The following INPP4B variants were observed in gnomAD, a reference collection of about 807,000 sequenced individuals.
INPP4B encodes inositol polyphosphate-4-phosphatase type II B.
In INPP4B, 55 loss-of-function variants were observed where a neutral mutation model predicts 122.5. The observed-to-expected ratio is 0.45, with a 90% CI of 0.36 to 0.56. The LOEUF is 0.56. Among genes scored for constraint, INPP4B ranks in the 20% least tolerant of loss-of-function variants. INPP4B has a pLI of 0.00. For missense variants in INPP4B, 1,000 were observed against 1,097.7 expected (o/e 0.91, Z 1.26); for synonymous variants, 403 against 388.7 (o/e 1.04, Z -0.43).
chr4:142,299,172 G>A (rs201899039), intron 9 of INPP4B, among the ~76,000 whole-genome samples: 2 of 93,104 alleles, frequency 2.1e-5, no homozygotes, highest in Non-Finnish European at 3.9e-5. Flanking sequence ...TTTTTTTTGG[G>A]GGGGAGACAG....
chr4:142,072,303 AG>A (rs762302534), intron 25 of INPP4B, among the ~76,000 whole-genome samples: 11 of 149,998 alleles, frequency 7.3e-5, no homozygotes, highest in Non-Finnish European at 1.3e-4. Context: ...ACTTGGACAC[AG>A]GGTGGGGAAC....
chr4:142,524,792 G>T (rs1345831173), intron 2 of INPP4B, among the ~76,000 whole-genome samples: 3 of 151,588 alleles, frequency 2.0e-5, no homozygotes, highest in Non-Finnish European at 4.4e-5. Flanking sequence ...TACTGAATGG[G>T]CAAAAACTGG....
Position 142,027,929 on chromosome 4 carries a change from C to CAGAG in INPP4B, c.*849_*852dup, listed in dbSNP as rs1196450385. 1 of 184,474 alleles carries CAGAG rather than the reference C, an allele frequency of 5.4e-6. No individual in the cohort carries two copies. The highest frequency in any genetic ancestry group is 1.1e-5 in the Non-Finnish European group (1 of 87,044). The allele number at this position is 184,474 out of a possible 1,614,324, so 11.4% of individuals were successfully genotyped here. A position where few individuals can be genotyped will look rare whatever the true frequency, so the allele number is the denominator to read the frequency against. ...CCAGGATGACTGCTAAGAAACATCT[C>CAGAG]AGAGATACCTCACTGACATTCATGA... On this transcript the variant is annotated 3_prime_UTR_variant, in exon 26 of 26. Coordinates refer to ENST00000262992, the MANE Select transcript of INPP4B (RefSeq NM_001101669.3).
At chr4:142,362,084 G>C (rs1785615567) in intron 7 of INPP4B, among the ~76,000 whole-genome samples, 1 of 151,974 alleles carries the variant, frequency 6.6e-6, no homozygotes, top group Admixed American at 6.6e-5. Context: ...AGGAGAGAGA[G>C]AGATCCCTAT....
chr4:142,745,678 C>A, intron 1 of INPP4B, among the ~76,000 whole-genome samples: 1 of 151,144 alleles, frequency 6.6e-6, no homozygotes, highest in Admixed American at 6.6e-5. Flanking sequence ...AGAGTGCCTA[C>A]AAAAAAGTCG....
chr4:142,368,211 AT>A (rs973051357), intron 7 of INPP4B, among the ~76,000 whole-genome samples: 3 of 152,178 alleles, frequency 2.0e-5, no homozygotes, highest in Non-Finnish European at 4.4e-5. Context: ...ACCTAGTAAA[AT>A]AAAGTTATCA....
At chr4:142,253,834 G>C (rs898893691) in intron 11 of INPP4B, among the ~76,000 whole-genome samples, 1 of 152,180 alleles carries the variant, frequency 6.6e-6, no homozygotes, top group Non-Finnish European at 1.5e-5. Flanking sequence ...CAGGAAGCTC[G>C]AACTCGGTGG....
chr4:142,716,717 T>A (rs933932532), intron 2 of INPP4B, among the ~76,000 whole-genome samples: 1 of 152,198 alleles, frequency 6.6e-6, no homozygotes, highest in African/African-American at 2.4e-5. Flanking sequence ...TTAAATCTCA[T>A]TGTATTAAAG....
At chr4:142,812,606 G>C (rs1379450352) in intron 1 of INPP4B, among the ~76,000 whole-genome samples, 1 of 151,746 alleles carries the variant, frequency 6.6e-6, no homozygotes, top group Non-Finnish European at 1.5e-5. Flanking sequence ...ATGTTTAAAG[G>C]GTTTAAGTAA....
chr4:142,513,876 C>A (rs901799476), intron 2 of INPP4B, among the ~76,000 whole-genome samples: 4 of 152,102 alleles, frequency 2.6e-5, no homozygotes, highest in Admixed American at 2.6e-4. Flanking sequence ...CAACAAGATG[C>A]CTGCTTTGTG....
chr4:142,113,085 G>A (rs1311562715), intron 21 of INPP4B, among the ~76,000 whole-genome samples: 1 of 152,010 alleles, frequency 6.6e-6, no homozygotes. Context: ...TAATTTATAT[G>A]ATTTTTTGGT....
At chr4:142,208,813 A>G in intron 13 of INPP4B, 83 bp downstream of exon 13, 1 of 1,095,734 alleles carries the variant, frequency 9.1e-7, no homozygotes, top group Non-Finnish European at 1.2e-6. Flanking sequence ...CTATCTACAT[A>G]AAATCTATTT....
chr4:142,396,061 C>T (rs1458637724), intron 7 of INPP4B, among the ~76,000 whole-genome samples: 2 of 151,910 alleles, frequency 1.3e-5, no homozygotes, highest in African/African-American at 4.8e-5. Flanking sequence ...AGTGTTCTTA[C>T]TACAGTATTT....
chr4:142,496,238 T>C (rs775369483), intron 2 of INPP4B, among the ~76,000 whole-genome samples: 1 of 152,136 alleles, frequency 6.6e-6, no homozygotes, highest in Non-Finnish European at 1.5e-5. Flanking sequence ...TTTTTATATA[T>C]TCATCTATCT....
chr4:142,335,048 A>G (rs1776092083), intron 7 of INPP4B, among the ~76,000 whole-genome samples: 1 of 150,984 alleles, frequency 6.6e-6, no homozygotes, highest in Non-Finnish European at 1.5e-5. Context: ...ACCTCCTAAG[A>G]ATAAAGCCTA....
intron 2 of INPP4B, among the ~76,000 whole-genome samples, chr4:142,511,413 A>G (rs1372700302): frequency 6.6e-6 from 1 of 152,184 alleles, no homozygotes; most frequent in Non-Finnish European, 1.5e-5. Flanking sequence ...TTCTATCTAA[A>G]AGAGAAATTT....
intron 6 of INPP4B, 33 bp from the exon 7 acceptor site, chr4:142,403,087 A>G (rs1802170115): frequency 1.7e-6 from 2 of 1,181,360 alleles, no homozygotes; most frequent in Non-Finnish European, 2.5e-6. Flanking sequence ...CTTTGATTCA[A>G]TAAGGCAGCA....
intron 13 of INPP4B, among the ~76,000 whole-genome samples, 181 bp from the exon 14 acceptor site, chr4:142,208,710 T>C (rs1300851478): frequency 6.6e-6 from 1 of 152,132 alleles, no homozygotes; most frequent in Non-Finnish European, 1.5e-5. Flanking sequence ...ATTATTCATA[T>C]AATAATTCTG....
rs1736999191 is a variant in INPP4B at position 142,026,357 on chromosome 4, C to T, written c.*2425G>A. On this transcript the variant is annotated 3_prime_UTR_variant, in exon 26 of 26. Coordinates refer to ENST00000262992, the MANE Select transcript of INPP4B (RefSeq NM_001101669.3). Reference sequence around the variant, plus strand: ...GATGAAATCCACTTTTAGAAGTTTGCACCAGTACAGGCTTTCTATAAGGAA... The same window carrying T: ...GATGAAATCCACTTTTAGAAGTTTGTACCAGTACAGGCTTTCTATAAGGAA... 1 of 152,142 alleles carries T rather than the reference C, an allele frequency of 6.6e-6. No individual in the cohort carries two copies. Among genetic ancestry groups the T allele is most frequent in the South Asian group, 2.1e-4 (1 of 4,834 alleles). 9.4% of individuals were successfully genotyped at this position (152,142 alleles called of 1,614,324 possible). A position where few individuals can be genotyped will look rare whatever the true frequency, so the allele number is the denominator to read the frequency against.
Sources: allele counts gnomAD v4.1 joint callset (sites outside exome capture counted in the v4.1 genomes callset), GRCh38; gene constraint gnomAD v4.1.1; transcripts MANE v1.5; gene names NCBI Gene and HGNC (gene_info 2026-07-23, HGNC 2026-07-21).